The following MCPH1 variants were observed in gnomAD, a reference collection of about 807,000 sequenced individuals.
MCPH1 encodes microcephalin.
A neutral mutation model predicts 84.5 loss-of-function variants in MCPH1; 104 were observed. The ratio of observed to expected loss-of-function variants is 1.23; its 90% CI spans 1.05 to 1.45. MCPH1 has a LOEUF of 1.45. Ranked by LOEUF, MCPH1 falls within the 40% of genes most tolerant of loss-of-function variation. The pLI is 0.00. For synonymous variants in MCPH1, 514 were observed against 366.8 expected, an observed-to-expected ratio of 1.40 and a Z score of -4.58; for missense variants, 1,498 against 1,005.7, an observed-to-expected ratio of 1.49 and a Z score of -6.62.
At chr8:6,597,408 G>C (rs1379022159) in intron 12 of MCPH1, among the ~76,000 whole-genome samples, 1 of 152,212 alleles carries the variant, frequency 6.6e-6, no homozygotes, top group Admixed American at 6.5e-5. Flanking sequence ...GTAGACTCCA[G>C]ATTTTGGCTA....
chr8:6,610,365 C>G (rs888941039), intron 12 of MCPH1, among the ~76,000 whole-genome samples: 1 of 152,226 alleles, frequency 6.6e-6, no homozygotes, highest in African/African-American at 2.4e-5. Flanking sequence ...CCTAATCAAG[C>G]CATGTTGTTG....
intron 12 of MCPH1, among the ~76,000 whole-genome samples, chr8:6,527,875 T>C (rs998572954): frequency 2.0e-5 from 3 of 151,764 alleles, no homozygotes; most frequent in Admixed American, 6.6e-5. Flanking sequence ...TGTTAAACCT[T>C]TTTACTCTTT....
chr8:6,438,878 T>C (rs1224403406), intron 5 of MCPH1, 75 bp from the exon 6 acceptor site: 1 of 1,411,200 alleles, frequency 7.1e-7, no homozygotes, highest in African/African-American at 1.4e-5. Context: ...GGGGGGTTGT[T>C]CTTTAAAAGG....
intron 7 of MCPH1, among the ~76,000 whole-genome samples, chr8:6,443,226 T>C (rs1416451900): frequency 6.6e-6 from 1 of 152,224 alleles, no homozygotes; most frequent in Admixed American, 6.5e-5. Context: ...CCCAAGCTTC[T>C]AACTTAGGCA....
At chr8:6,462,229 G>A (rs138437831) in intron 9 of MCPH1, among the ~76,000 whole-genome samples, 15 of 152,202 alleles carry the variant, frequency 9.9e-5, no homozygotes, top group Admixed American at 5.2e-4. Flanking sequence ...TCTCAAATAG[G>A]GTGCAAAACA....
chr8:6,475,082 T>G (rs900747978), intron 9 of MCPH1, among the ~76,000 whole-genome samples: 6 of 152,224 alleles, frequency 3.9e-5, no homozygotes, highest in African/African-American at 1.4e-4. Flanking sequence ...TCTCTTTATT[T>G]CTAAGCCAGT....
intron 12 of MCPH1, among the ~76,000 whole-genome samples, chr8:6,604,105 G>T (rs1270602762): frequency 2.0e-5 from 3 of 152,114 alleles, no homozygotes; most frequent in Admixed American, 2.0e-4. Flanking sequence ...CTCTGGATGG[G>T]GACTGGAGCC....
At chr8:6,626,952 G>T (rs1433405108) in intron 13 of MCPH1, 2 of 984,622 alleles carry the variant, frequency 2.0e-6, no homozygotes, top group Admixed American at 6.2e-5. Flanking sequence ...TGCTATTGTG[G>T]GAACATAATG....
chr8:6,415,539 A>G (rs1385934463), intron 3 of MCPH1, among the ~76,000 whole-genome samples: 1 of 151,950 alleles, frequency 6.6e-6, no homozygotes, highest in African/African-American at 2.4e-5. Flanking sequence ...TTTTTGGTAG[A>G]GACGGGGTTT....
chr8:6,499,099 T>TAAATAAAA (rs1461001831), intron 11 of MCPH1, among the ~76,000 whole-genome samples: 3 of 145,056 alleles, frequency 2.1e-5, no homozygotes, highest in East Asian at 3.9e-4. Context: ...AATAAATAAA[T>TAAATAAAA]AAAATAAACA....
intron 9 of MCPH1, among the ~76,000 whole-genome samples, chr8:6,460,584 ATAT>A (rs925644250): frequency 6.6e-6 from 1 of 152,064 alleles, no homozygotes; most frequent in Non-Finnish European, 1.5e-5. Flanking sequence ...TTATTTGAAC[ATAT>A]TATGCATATT....
At chr8:6,425,002 C>G (rs764649147) in intron 3 of MCPH1, among the ~76,000 whole-genome samples, 1 of 152,212 alleles carries the variant, frequency 6.6e-6, no homozygotes, top group Non-Finnish European at 1.5e-5. Context: ...GAATAAGATA[C>G]TGGTGCTGGG....
chr8:6,412,905 A>G (rs1245040195), intron 2 of MCPH1, among the ~76,000 whole-genome samples: 1 of 152,250 alleles, frequency 6.6e-6, no homozygotes, highest in East Asian at 1.9e-4. Flanking sequence ...CACAATGAAA[A>G]GAAAGAGAAA....
At chr8:6,642,048 A>T (rs1797970746) in intron 13 of MCPH1, among the ~76,000 whole-genome samples, 1 of 152,108 alleles carries the variant, frequency 6.6e-6, no homozygotes, top group Non-Finnish European at 1.5e-5. Flanking sequence ...TCCATTTCTA[A>T]AAATATTTGT....
At chr8:6,550,378 C>G (rs998787064) in intron 12 of MCPH1, among the ~76,000 whole-genome samples, 2 of 152,212 alleles carry the variant, frequency 1.3e-5, no homozygotes, top group African/African-American at 2.4e-5. Flanking sequence ...GACTGTAGGG[C>G]TGCACCCAGA....
At chr8:6,573,010 G>T (rs182674796) in intron 12 of MCPH1, among the ~76,000 whole-genome samples, 1 of 152,210 alleles carries the variant, frequency 6.6e-6, no homozygotes, top group East Asian at 1.9e-4. Context: ...TATATTCCAG[G>T]CTGAGAAAAT....
At chr8:6,521,219 T>A (rs990607659) in intron 12 of MCPH1, 2 of 1,613,920 alleles carry the variant, frequency 1.2e-6, no homozygotes, top group Non-Finnish European at 1.7e-6. Context: ...ATTAACTGTC[T>A]CCATGAGATC....
chr8:6,541,876 C>G (rs1027797843), intron 12 of MCPH1, among the ~76,000 whole-genome samples: 8 of 151,852 alleles, frequency 5.3e-5, no homozygotes, highest in Admixed American at 1.3e-4. Context: ...GACATGGTGG[C>G]TCATGCCTGT....
chr8:6,550,195 C>G (rs1823381240), intron 12 of MCPH1, among the ~76,000 whole-genome samples: 2 of 152,242 alleles, frequency 1.3e-5, no homozygotes, highest in Non-Finnish European at 1.5e-5. Context: ...GGCTCCATCT[C>G]CAGATGTTAC....
Sources: allele counts gnomAD v4.1 joint callset (sites outside exome capture counted in the v4.1 genomes callset), GRCh38; gene constraint gnomAD v4.1.1; transcripts MANE v1.5; gene names NCBI Gene and HGNC (gene_info 2026-07-23, HGNC 2026-07-21).